Variants in ECSCR observed in about 807,000 individuals in gnomAD.
ECSCR encodes the protein endothelial cell surface expressed chemotaxis and apoptosis regulator.
Under a neutral mutation model 16.7 loss-of-function variants are expected in ECSCR, and 12 were observed. The ratio of observed to expected loss-of-function variants is 0.72; its 90% CI spans 0.46 to 1.17. The LOEUF (loss-of-function observed/expected upper bound fraction) is 1.17, where lower values mean the gene tolerates loss of function less well. Ranked by LOEUF, ECSCR falls within the 50% of genes most tolerant of loss-of-function variation. The probability of loss-of-function intolerance (pLI) is 0.00; values close to 1 mark genes in which losing one functional copy is unlikely to be tolerated. For synonymous variants in ECSCR, 44 were observed against 42.2 expected, an observed-to-expected ratio of 1.04 and a Z score of -0.17; for missense variants, 122 against 116.1, an observed-to-expected ratio of 1.05 and a Z score of -0.23.
At chr5:139,457,947 C>T in intron 2 of ECSCR, 140 bp from the exon 3 acceptor site, 1 of 1,199,714 alleles carries the variant, frequency 8.3e-7, no homozygotes, top group Non-Finnish European at 1.2e-6. Flanking sequence ...TTTTTTCTTT[C>T]AAGGTACATT....
At chr5:139,451,817 G>T (rs1412469291) in intron 8 of ECSCR, among the ~76,000 whole-genome samples, 1 of 149,696 alleles carries the variant, frequency 6.7e-6, no homozygotes, top group Non-Finnish European at 1.5e-5. Flanking sequence ...GGGTGTGTAG[G>T]GTATAGGGTA....
At position 139,458,741 on chromosome 5, in the gene ECSCR, G is replaced by A. The variant is rs550122394; in HGVS notation, c.62-558C>T. Reference sequence around the variant, plus strand: ...CACGCCTGTAATCCCAGCTGCTTGGGAGGCTGAGGCATGAGAATCGCTTGA... The same window carrying A: ...CACGCCTGTAATCCCAGCTGCTTGGAAGGCTGAGGCATGAGAATCGCTTGA... On this transcript the variant is annotated intron_variant, in intron 1 of 9. Coordinates refer to ENST00000618155, the MANE Select transcript of ECSCR (RefSeq NM_001077693.4). Among the ~76,000 whole-genome samples the A allele has an allele frequency of 7.3e-5, 11 of 151,096 alleles. No individual in the cohort carries two copies. The South Asian group carries it at 2.3e-3, about 32-fold the overall frequency.
chr5:139,462,734 G>A lies in ECSCR; in HGVS notation c.-64C>T. 1.2e-6 allele frequency: 1 copy of A among 824,178 alleles called. No individual in the cohort carries two copies. The highest frequency in any genetic ancestry group is 1.8e-5 in the African/African-American group (1 of 56,716). 51.1% of individuals were successfully genotyped at this position (824,178 alleles called of 1,614,324 possible). On this transcript the variant is annotated 5_prime_UTR_variant, in exon 1 of 10. Coordinates refer to ENST00000618155, the MANE Select transcript of ECSCR (RefSeq NM_001077693.4). ...GAGGCTCTGTCCATAGTGGAGAAGAGAGAGGGAGTGCTGGGGCGGGATGGG... is the reference window on the plus strand; with the variant it reads ...GAGGCTCTGTCCATAGTGGAGAAGAAAGAGGGAGTGCTGGGGCGGGATGGG...
chr5:139,460,171 G>T (rs1751263890), intron 1 of ECSCR, among the ~76,000 whole-genome samples: 1 of 148,574 alleles, frequency 6.7e-6, no homozygotes, highest in Non-Finnish European at 1.5e-5. Context: ...TTTCGCTCTT[G>T]GTCACCCAGG....
intron 6 of ECSCR, among the ~76,000 whole-genome samples, 168 bp from the exon 7 acceptor site, chr5:139,455,091 G>C (rs1248575670): frequency 2.0e-4 from 30 of 151,892 alleles, no homozygotes; most frequent in Non-Finnish European, 1.5e-4. Context: ...CCGCCCCCTA[G>C]CCAGAGTGGG....
chr5:139,453,684 G>A (rs1751090701), intron 8 of ECSCR, among the ~76,000 whole-genome samples: 1 of 116,960 alleles, frequency 8.5e-6, no homozygotes, highest in Admixed American at 8.6e-5. Context: ...TATAGTATGG[G>A]TTGTGTGTAT....
chr5:139,460,419 G>T (rs1472351847), intron 1 of ECSCR, among the ~76,000 whole-genome samples: 1 of 152,166 alleles, frequency 6.6e-6, no homozygotes, highest in Non-Finnish European at 1.5e-5. Context: ...ACAGGCGTGA[G>T]CCACCGAGCC....
intron 4 of ECSCR, among the ~76,000 whole-genome samples, chr5:139,457,087 G>A (rs1751173808): frequency 6.6e-6 from 1 of 152,230 alleles, no homozygotes; most frequent in African/African-American, 2.4e-5. Flanking sequence ...CAGGGCCTTG[G>A]CCGGCATGTG....
intron 3 of ECSCR, 55 bp from the exon 4 acceptor site, chr5:139,457,659 A>G: frequency 7.2e-7 from 1 of 1,387,276 alleles, no homozygotes; most frequent in Non-Finnish European, 1.0e-6. Context: ...TGGTGACACC[A>G]CACTCCCTGT....
At chr5:139,457,402 C>T (rs1355724823) in intron 4 of ECSCR, 143 bp downstream of exon 4, 16 of 699,228 alleles carry the variant, frequency 2.3e-5, no homozygotes, top group Non-Finnish European at 2.7e-5. Context: ...CCCTTCTCAC[C>T]CTGCATGTCA....
chr5:139,460,398 AT>A (rs1224803912), intron 1 of ECSCR, among the ~76,000 whole-genome samples: 5 of 152,136 alleles, frequency 3.3e-5, no homozygotes, highest in Non-Finnish European at 7.4e-5. Context: ...AGCATCCTAA[AT>A]GCTGGGATCA....
chr5:139,449,586 A>G (rs1750986474), intron 8 of ECSCR, among the ~76,000 whole-genome samples: 1 of 152,134 alleles, frequency 6.6e-6, no homozygotes, highest in South Asian at 2.1e-4. Flanking sequence ...TGATCCAGCC[A>G]TCTTGGCCTC....
rs917102433 is a variant in ECSCR at position 139,458,301 on chromosome 5, TA to T, written c.62-119del. The T allele has an allele frequency of 1.8e-3, 1,501 of 829,604 alleles. 4 individuals carry two copies. Among genetic ancestry groups the T allele is most frequent in the Non-Finnish European group, 2.2e-3 (1,222 of 545,316 alleles). 51.4% of individuals were successfully genotyped at this position (829,604 alleles called of 1,614,324 possible). On this transcript the variant is annotated intron_variant, in intron 1 of 9. Coordinates refer to ENST00000618155, the MANE Select transcript of ECSCR (RefSeq NM_001077693.4). ...GGGCAACATAGCAAGACCCTGTCTC[TA>T]AAAAAAAATTTTGTTTTGTTTTGTT...
At chr5:139,450,052 G>A (rs896452550) in intron 8 of ECSCR, among the ~76,000 whole-genome samples, 1 of 152,032 alleles carries the variant, frequency 6.6e-6, no homozygotes, top group Non-Finnish European at 1.5e-5. Flanking sequence ...CTGCCACCGT[G>A]CCCAGCTAAT....
At chr5:139,451,121 G>C (rs1350622013) in intron 8 of ECSCR, among the ~76,000 whole-genome samples, 1 of 151,170 alleles carries the variant, frequency 6.6e-6, no homozygotes, top group African/African-American at 2.4e-5. Flanking sequence ...GTATATGTGT[G>C]GTATGGGGTA....
At position 139,462,742 on chromosome 5, in the gene ECSCR, G is replaced by A. The variant is rs1044282279; in HGVS notation, c.-72C>T. The A allele has an allele frequency of 1.8e-6, 2 of 1,136,570 alleles. No individual in the cohort carries two copies. The highest frequency in any genetic ancestry group is 1.3e-5 in the South Asian group (1 of 75,670). The allele number at this position is 1,136,570 out of a possible 1,614,324, so 70.4% of individuals were successfully genotyped here. On this transcript the variant is annotated 5_prime_UTR_variant, in exon 1 of 10. Transcript: ENST00000618155. ...GTCCATAGTGGAGAAGAGAGAGGGA[G>A]TGCTGGGGCGGGATGGGGGTGGGGA...
rs566761124 is a variant in ECSCR at position 139,460,384 on chromosome 5, C to T, written c.62-2201G>A. 1.2e-3 allele frequency among the ~76,000 whole-genome samples: 188 copies of T among 152,294 alleles called. 8 individuals carry two copies. The South Asian group carries it at 0.038, about 31-fold the overall frequency. On this transcript the variant is annotated intron_variant, in intron 1 of 9. Coordinates refer to ENST00000618155, the MANE Select transcript of ECSCR (RefSeq NM_001077693.4). ...CTCCTGACCTCAGGTGATCCATTCG[C>T]CTCAGCATCCTAAATGCTGGGATCA...
At chr5:139,458,313 T>G in intron 1 of ECSCR, 130 bp from the exon 2 acceptor site, 1 of 800,696 alleles carries the variant, frequency 1.2e-6, no homozygotes, top group Non-Finnish European at 2.0e-6. Flanking sequence ...AAAAAAAATT[T>G]TGTTTTGTTT....
chr5:139,457,493 G>A (rs1041984862), intron 4 of ECSCR, 52 bp downstream of exon 4: 51 of 780,470 alleles, frequency 6.5e-5, no homozygotes, highest in Non-Finnish European at 1.1e-4. Flanking sequence ...AACTGTTGGG[G>A]TCCTCACTGG....
Sources: gnomAD v4.1 joint callset for allele counts (sites outside exome capture counted in the v4.1 genomes callset) on GRCh38, gnomAD v4.1.1 for gene constraint, MANE v1.5 for transcripts, NCBI Gene and HGNC (gene_info 2026-07-23, HGNC 2026-07-21) for gene names.